The following AIFM2 variants were observed in gnomAD, a reference collection of about 807,000 sequenced individuals.
AIFM2 encodes ferroptosis suppressor protein 1.
A neutral mutation model predicts 35.7 loss-of-function variants in AIFM2; 38 were observed. The observed-to-expected ratio is 1.06, with a 90% CI of 0.82 to 1.39. The LOEUF is 1.39. AIFM2 is among the 40% of genes most tolerant of loss of function. AIFM2 has a pLI of 0.00. For missense variants in AIFM2, 476 were observed against 491.2 expected (o/e 0.97, Z 0.29); for synonymous variants, 185 against 203.5 (o/e 0.91, Z 0.77).
At chr10:70,123,156 T>C (rs2072527702) in intron 3 of AIFM2, among the ~76,000 whole-genome samples, 1 of 152,302 alleles carries the variant, frequency 6.6e-6, no homozygotes, top group South Asian at 2.1e-4. Context: ...GTAGCTGAGA[T>C]TACATGCGCC....
Position 70,117,875 on chromosome 10 carries a change from G to A in AIFM2, c.553C>T (p.Leu185=). 3 of 1,607,014 alleles carry A rather than the reference G, an allele frequency of 1.9e-6. No homozygotes were observed. The South Asian group carries it at 3.3e-5, about 18-fold the overall frequency. ...SQVALADKEL[L]PSVRQEVKEI... ...TTCACTTCCTGCCGGACGGAGGGCA[G>A]GAGCTCCTTGTCAGCCAGGGCCACT... The change falls in exon 6 of 9, where the codon CTG becomes TTG. Residue 185 remains leucine (L), a synonymous_variant. Transcript: ENST00000307864. The surrounding 1 kb of genome is among the most constrained non-coding windows in gnomAD (Gnocchi z 4.7).
At position 70,112,648 on chromosome 10, in the gene AIFM2, G is replaced by A. The variant is rs41277968; in HGVS notation, c.*1530C>T. On this transcript the variant is annotated 3_prime_UTR_variant, in exon 9 of 9. Transcript: ENST00000307864. ...CAAGGACTCTGCCCGAGTACCCAGA[G>A]GCCACCATCAAAAGGGAGCAGGGAG... 0.13 allele frequency: 19,746 copies of A among 152,242 alleles called. 1,577 individuals are homozygous for A. The highest frequency in any genetic ancestry group is 0.3 in the Middle Eastern group (88 of 298). 9.4% of individuals were successfully genotyped at this position (152,242 alleles called of 1,614,324 possible). A position where few individuals can be genotyped will look rare whatever the true frequency, so the allele number is the denominator to read the frequency against.
In AIFM2 at chr10:70,124,019, G is replaced by A. The variant is rs762846277; in HGVS notation, c.66C>T (p.Gly22=). 1.2e-4 allele frequency: 190 copies of A among 1,611,678 alleles called. No homozygotes were observed. The highest frequency in any genetic ancestry group is 5.4e-4 in the Admixed American group (32 of 59,784). The change falls in exon 2 of 9, where the codon GGC becomes GGT. Residue 22 remains glycine (G), a synonymous_variant. Coordinates refer to ENST00000307864, the MANE Select transcript of AIFM2 (RefSeq NM_032797.6). The stretch of plus-strand genomic sequence containing the variant: ...GCAGCTGGCTGGCTGCTGCGATCCC[G>A]CCAAAGCCCCCACCCACAATCACCA... ...LHVVIVGGGF[G]GIAAASQLQA...
At chr10:70,118,587 T>C (rs1325450297) in intron 5 of AIFM2, among the ~76,000 whole-genome samples, 2 of 152,246 alleles carry the variant, frequency 1.3e-5, no homozygotes, top group Non-Finnish European at 2.9e-5. Context: ...ACCCTTACTG[T>C]CTACAAATCC....
intron 1 of AIFM2, among the ~76,000 whole-genome samples, chr10:70,127,498 G>GC (rs1287194512): frequency 6.6e-6 from 1 of 152,230 alleles, no homozygotes; most frequent in Non-Finnish European, 1.5e-5. Flanking sequence ...GGCAGAAGGT[G>GC]GAGAGGCTTA....
chr10:70,120,297 A>T (rs1019255159), intron 5 of AIFM2, among the ~76,000 whole-genome samples: 2 of 152,240 alleles, frequency 1.3e-5, no homozygotes, highest in African/African-American at 2.4e-5. Flanking sequence ...CACCCTGAGC[A>T]GCTCCGTAAG....
chr10:70,121,885 A>T (rs1391334822), intron 3 of AIFM2, among the ~76,000 whole-genome samples: 1 of 151,184 alleles, frequency 6.6e-6, no homozygotes, highest in East Asian at 1.9e-4. Context: ...TGAGGTCAGG[A>T]GTTTGAAACC....
At chr10:70,123,361 G>A in intron 3 of AIFM2, 44 bp downstream of exon 3, 1 of 1,546,346 alleles carries the variant, frequency 6.5e-7, no homozygotes, top group Non-Finnish European at 8.9e-7. Context: ...AGGCCCTGCA[G>A]AGGGCCCTTG....
At chr10:70,120,680 G>T in intron 4 of AIFM2, 81 bp from the exon 5 acceptor site, 1 of 1,513,612 alleles carries the variant, frequency 6.6e-7, no homozygotes, top group Non-Finnish European at 9.1e-7. Context: ...AGCCTGTGGT[G>T]TGGCTCCCTG....
chr10:70,124,733 A>G (rs575086376), intron 1 of AIFM2, among the ~76,000 whole-genome samples: 2 of 152,332 alleles, frequency 1.3e-5, no homozygotes, highest in African/African-American at 4.8e-5. Context: ...CAGCAAGCAT[A>G]GGCCACATCT....
chr10:70,126,707 T>C (rs2072569955), intron 1 of AIFM2, among the ~76,000 whole-genome samples: 1 of 152,202 alleles, frequency 6.6e-6, no homozygotes, highest in African/African-American at 2.4e-5. Context: ...TGGTTAGAAC[T>C]CCGGGCACTG....
At chr10:70,127,758 C>G (rs560066889) in intron 1 of AIFM2, among the ~76,000 whole-genome samples, 1 of 152,224 alleles carries the variant, frequency 6.6e-6, no homozygotes, top group African/African-American at 2.4e-5. Flanking sequence ...CCAAGGAAGG[C>G]AAATTGCTTA....
intron 7 of AIFM2, 76 bp downstream of exon 7, chr10:70,116,546 G>A (rs140189566): frequency 2.2e-4 from 344 of 1,572,220 alleles, no homozygotes; most frequent in Non-Finnish European, 2.8e-4. Context: ...ACTCCTGGGG[G>A]CAAGCACTGC....
chr10:70,117,304 G>A lies in AIFM2; in HGVS notation c.616+508C>T. ...TCCCGCAAACAGTGAGGGGGCTGGG[G>A]CCCCATGCAGTGAAGTGTAGGGGCC... On this transcript the variant is annotated intron_variant, in intron 6 of 8. Coordinates refer to ENST00000307864, the MANE Select transcript of AIFM2 (RefSeq NM_032797.6). The surrounding 1 kb of genome is among the most constrained non-coding windows in gnomAD (Gnocchi z 4.7). 6.6e-6 allele frequency among the ~76,000 whole-genome samples: 1 copy of A among 152,202 alleles called. No homozygotes were observed. Among genetic ancestry groups the A allele is most frequent in the South Asian group, 2.1e-4 (1 of 4,832 alleles).
chr10:70,124,054 C>T lies in AIFM2; in HGVS notation c.31G>A (p.Ala11Thr), dbSNP rs777318882. Residue 11 changes from alanine to threonine, a missense_variant, in exon 2 of 9, where the codon GCT (alanine) becomes ACT (threonine). Coordinates refer to ENST00000307864, the MANE Select transcript of AIFM2 (RefSeq NM_032797.6). ...CCACCCACAATCACCACGTGCAGAG[C>T]TCCCGATTCCACCGAGACCTGGGAC... MGSQVSVESG[A>T]LHVVIVGGGF... The T allele has an allele frequency of 3.0e-5, 47 of 1,582,384 alleles. No individual in the cohort carries two copies. Among genetic ancestry groups the T allele is most frequent in the Middle Eastern group, 3.3e-4 (2 of 5,980 alleles).
intron 1 of AIFM2, among the ~76,000 whole-genome samples, chr10:70,130,443 C>T (rs1262263523): frequency 1.3e-5 from 2 of 152,190 alleles, no homozygotes; most frequent in African/African-American, 4.8e-5. Context: ...ACGTCTTCCA[C>T]TGATCATCAT....
At chr10:70,121,261 T>TAGGGCAGGGC (rs768138196) in intron 3 of AIFM2, 50 bp from the exon 4 acceptor site, 7 of 1,369,200 alleles carry the variant, frequency 5.1e-6, no homozygotes, top group Non-Finnish European at 6.6e-6. Flanking sequence ...AAGATGAGGG[T>TAGGGCAGGGC]AGGGCAGGGC....
At chr10:70,124,741 T>C (rs1259825780) in intron 1 of AIFM2, among the ~76,000 whole-genome samples, 1 of 152,164 alleles carries the variant, frequency 6.6e-6, no homozygotes, top group African/African-American at 2.4e-5. Flanking sequence ...ATAGGCCACA[T>C]CTAAAGGAAC....
intron 4 of AIFM2, 114 bp from the exon 5 acceptor site, chr10:70,120,713 C>A: frequency 8.4e-7 from 1 of 1,184,160 alleles, no homozygotes; most frequent in Admixed American, 1.8e-5. Flanking sequence ...GCAGAGAACC[C>A]TTTCCACATT....
Sources: allele counts gnomAD v4.1 joint callset (sites outside exome capture counted in the v4.1 genomes callset), GRCh38; gene constraint gnomAD v4.1.1; non-coding constraint Gnocchi (gnomAD v3.1); transcripts MANE v1.5; gene names NCBI Gene and HGNC (gene_info 2026-07-23, HGNC 2026-07-21).